ENTREP2: variants seen among roughly 807,000 people sequenced by gnomAD.
ENTREP2 encodes the protein protein ENTREP2.
At chr15:29,269,282 G>C in the ENTREP2 span, 1 of 1,614,066 alleles carries the variant, frequency 6.2e-7, no homozygotes, top group African/African-American at 1.3e-5. Flanking sequence ...AGTTCCACCA[G>C]CTTATACCCG....
chr15:29,533,266 A>G, the ENTREP2 span, among the ~76,000 whole-genome samples: 1 of 151,676 alleles, frequency 6.6e-6, no homozygotes, highest in Non-Finnish European at 1.5e-5. Context: ...CACAACTTCA[A>G]CTCTCCAGAA....
chr15:29,366,260 A>G, the ENTREP2 span, among the ~76,000 whole-genome samples: 1 of 152,120 alleles, frequency 6.6e-6, no homozygotes. Context: ...TTTTTAGTAG[A>G]GACAGGGTTT....
the ENTREP2 span, among the ~76,000 whole-genome samples, chr15:29,472,900 A>G: frequency 6.6e-6 from 1 of 152,224 alleles, no homozygotes; most frequent in African/African-American, 2.4e-5. Context: ...TGACTACTAG[A>G]AAGAGAATAA....
chr15:29,332,168 A>G, the ENTREP2 span, among the ~76,000 whole-genome samples: 1 of 152,260 alleles, frequency 6.6e-6, no homozygotes, highest in Admixed American at 6.5e-5. Flanking sequence ...GAGGTCGAAG[A>G]AAGTTGTTAA....
chr15:29,547,059 GAACA>G, the ENTREP2 span, among the ~76,000 whole-genome samples: 1 of 150,892 alleles, frequency 6.6e-6, no homozygotes, highest in East Asian at 2.0e-4. Context: ...GAAAGAAACA[GAACA>G]ACCACTGAAA....
At chr15:29,649,499 T>C in the ENTREP2 span, among the ~76,000 whole-genome samples, 100 of 152,118 alleles carry the variant, frequency 6.6e-4, 1 homozygote, top group African/African-American at 2.3e-3. Flanking sequence ...GGTGGGTAGA[T>C]CACCTGAGGT....
chr15:29,645,732 G>C, the ENTREP2 span, among the ~76,000 whole-genome samples: 142 of 151,928 alleles, frequency 9.3e-4, no homozygotes, highest in African/African-American at 3.3e-3. Context: ...CTACTTTTTT[G>C]TATTTTTTTA....
chr15:29,298,930 C>A, the ENTREP2 span, among the ~76,000 whole-genome samples: 4 of 152,034 alleles, frequency 2.6e-5, no homozygotes, highest in Admixed American at 2.0e-4. Flanking sequence ...TGAACCATCT[C>A]TCTCATGAAC....
At chr15:29,124,760 G>T in the ENTREP2 span, 2 of 1,550,304 alleles carry the variant, frequency 1.3e-6, no homozygotes, top group Non-Finnish European at 1.7e-6. Flanking sequence ...AAGAGGCATC[G>T]CCTTAACCAG....
the ENTREP2 span, among the ~76,000 whole-genome samples, chr15:29,383,581 T>C: frequency 6.6e-6 from 1 of 152,206 alleles, no homozygotes; most frequent in Admixed American, 6.5e-5. Flanking sequence ...TGGCTGCATG[T>C]CCCCTGAGAC....
chr15:29,536,985 C>A, the ENTREP2 span, among the ~76,000 whole-genome samples: 1 of 152,174 alleles, frequency 6.6e-6, no homozygotes, highest in African/African-American at 2.4e-5. Context: ...GGACTTCCAG[C>A]CTCCAGAACT....
chr15:29,234,342 G>C, the ENTREP2 span: 1 of 1,595,622 alleles, frequency 6.3e-7, no homozygotes, highest in South Asian at 1.1e-5. Flanking sequence ...AGAATCTCTT[G>C]ACCATCTTCA....
chr15:29,340,860 C>T, the ENTREP2 span, among the ~76,000 whole-genome samples: 1 of 152,216 alleles, frequency 6.6e-6, no homozygotes, highest in Non-Finnish European at 1.5e-5. Flanking sequence ...ACTTCAGAGT[C>T]ATGGACTGTC....
the ENTREP2 span, among the ~76,000 whole-genome samples, chr15:29,210,370 G>A: frequency 1.3e-5 from 2 of 152,204 alleles, no homozygotes; most frequent in African/African-American, 4.8e-5. Context: ...TAGATCAGGG[G>A]TCCCCAAGCC....
At chr15:29,139,435 G>A in the ENTREP2 span, among the ~76,000 whole-genome samples, 1 of 152,234 alleles carries the variant, frequency 6.6e-6, no homozygotes, top group Admixed American at 6.5e-5. Context: ...TGAGAAGCAG[G>A]GCGAGGGCAA....
the ENTREP2 span, among the ~76,000 whole-genome samples, chr15:29,575,998 T>C: frequency 6.6e-6 from 1 of 152,158 alleles, no homozygotes; most frequent in Non-Finnish European, 1.5e-5. Flanking sequence ...CAAAATCATA[T>C]GGAATTCCAA....
At chr15:29,167,165 A>G in the ENTREP2 span, among the ~76,000 whole-genome samples, 1 of 152,244 alleles carries the variant, frequency 6.6e-6, no homozygotes, top group Non-Finnish European at 1.5e-5. Context: ...TACAAAAATC[A>G]ACTCAAGATG....
chr15:29,162,117 G>A, the ENTREP2 span, among the ~76,000 whole-genome samples: 4 of 152,160 alleles, frequency 2.6e-5, no homozygotes, highest in African/African-American at 4.8e-5. Flanking sequence ...TTAGAGAGTC[G>A]AGCGAAATAC....
At chr15:29,642,177 G>T in the ENTREP2 span, among the ~76,000 whole-genome samples, 1 of 152,018 alleles carries the variant, frequency 6.6e-6, no homozygotes, top group African/African-American at 2.4e-5. Flanking sequence ...TAGTAAAAAA[G>T]AAAACATTTT....
Sources: allele counts gnomAD v4.1 joint callset (sites outside exome capture counted in the v4.1 genomes callset), GRCh38; gene constraint gnomAD v4.1.1; transcripts MANE v1.5; gene names NCBI Gene and HGNC (gene_info 2026-07-23, HGNC 2026-07-21).